Variants in KRT86 observed in about 807,000 individuals in gnomAD.
KRT86 encodes the protein keratin, type II cuticular Hb6.
KRT86 carries 30 observed loss-of-function variants against 41.2 expected under a neutral mutation model. The observed-to-expected ratio is 0.73, with a 90% CI of 0.54 to 0.99. KRT86 has a LOEUF of 0.99. Ranked by LOEUF, KRT86 falls within the 50% of genes least tolerant of loss-of-function variation. The probability of loss-of-function intolerance (pLI) is 0.00; values close to 1 mark genes in which losing one functional copy is unlikely to be tolerated. For synonymous variants in KRT86, 238 were observed against 238.1 expected (o/e 1.00, Z 0.00); for missense variants, 561 against 571.4 (o/e 0.98, Z 0.19).
chr12:52,286,164 G>C, intron 2 of KRT86: 4 of 1,005,750 alleles, frequency 4.0e-6, no homozygotes, highest in Non-Finnish European at 6.1e-6. Context: ...AGGAGAAGTA[G>C]CTGAGCACTT....
chr12:52,308,935 C>G lies in KRT86; in HGVS notation c.*350C>G, dbSNP rs925434070. On this transcript the variant is annotated 3_prime_UTR_variant, in exon 11 of 11. Transcript: ENST00000423955. ...GAACGGGGGAGGCCCGGGAATGTCC[C>G]TGTCTGCACGACCTGGGACTCTGCC... The G allele has an allele frequency of 2.8e-6, 1 of 351,106 alleles. No homozygotes were observed. The highest frequency in any genetic ancestry group is 2.2e-5 in the African/African-American group (1 of 45,536). The allele number at this position is 351,106 out of a possible 1,614,324, so 21.7% of individuals were successfully genotyped here.
intron 2 of KRT86, among the ~76,000 whole-genome samples, chr12:52,297,516 C>T (rs893589361): frequency 3.3e-5 from 5 of 152,178 alleles, no homozygotes; most frequent in Non-Finnish European, 7.3e-5. Context: ...TTATAATACC[C>T]TCCAGGGAGC....
intron 2 of KRT86, chr12:52,291,443 C>G: frequency 6.2e-7 from 1 of 1,612,852 alleles, no homozygotes; most frequent in South Asian, 1.1e-5. Flanking sequence ...GGCGCGCCCA[C>G]CAAATCCTGA....
In KRT86 at chr12:52,305,316, T is replaced by C. The variant is rs763786271; in HGVS notation, c.812T>C (p.Met271Thr). The stretch of plus-strand genomic sequence containing the variant: ...CTGGACAACAGCCGGGACCTGAACA[T>C]GGACTGCATCATTGCCGAGATCAAG... ...VKLDNSRDLNMDCIIAEIKAQ... is the reference protein window; with the variant it reads ...VKLDNSRDLNTDCIIAEIKAQ... Residue 271 changes from methionine (M) to threonine (T), a missense_variant, in exon 7 of 11, where the codon ATG (methionine) becomes ACG (threonine). Met to Thr is a moderately conservative substitution (Grantham distance 81). This residue lies in a region of KRT86 where 397 missense variants were observed against 375.9 expected (regional missense o/e 1.06). Coordinates refer to ENST00000423955, the MANE Select transcript of KRT86 (RefSeq NM_001320198.2). 2.5e-6 allele frequency: 4 copies of C among 1,614,214 alleles called. No individual in the cohort carries two copies. Among genetic ancestry groups the C allele is most frequent in the Non-Finnish European group, 3.4e-6 (4 of 1,180,036 alleles).
Position 52,308,681 on chromosome 12 carries a change from AG to A in KRT86, c.*97del. 8.3e-7 allele frequency: 1 copy of A among 1,199,462 alleles called. No homozygotes were observed. Among genetic ancestry groups the A allele is most frequent in the Non-Finnish European group, 1.2e-6 (1 of 843,848 alleles). The allele number at this position is 1,199,462 out of a possible 1,614,324, so 74.3% of individuals were successfully genotyped here. A position where few individuals can be genotyped will look rare whatever the true frequency, so the allele number is the denominator to read the frequency against. ...GCGCCGCCCGCGCCGGCCTCCCAAT[AG>A]CCGCCGCCCGCTGCCTGCACTCTAA... On this transcript the variant is annotated 3_prime_UTR_variant, in exon 11 of 11. Coordinates refer to ENST00000423955, the MANE Select transcript of KRT86 (RefSeq NM_001320198.2).
intron 2 of KRT86, among the ~76,000 whole-genome samples, chr12:52,293,008 G>A (rs1244714465): frequency 4.6e-5 from 7 of 152,134 alleles, no homozygotes; most frequent in Non-Finnish European, 8.8e-5. Flanking sequence ...ACAAAAATTA[G>A]CCCGTTATGG....
chr12:52,308,779 A>G lies in KRT86; in HGVS notation c.*194A>G, dbSNP rs2121324083. On this transcript the variant is annotated 3_prime_UTR_variant, in exon 11 of 11. Coordinates refer to ENST00000423955, the MANE Select transcript of KRT86 (RefSeq NM_001320198.2). ...AGTCCGGGGAGGGCCGGGAGGCGCC[A>G]TGGTCTCTCTCTGTAGCCTTTCCTG... 1.7e-6 allele frequency: 1 copy of G among 600,024 alleles called. No individual in the cohort carries two copies. Among genetic ancestry groups the G allele is most frequent in the East Asian group, 2.8e-5 (1 of 35,606 alleles). The allele number at this position is 600,024 out of a possible 1,614,324, so 37.2% of individuals were successfully genotyped here.
intron 2 of KRT86, among the ~76,000 whole-genome samples, chr12:52,292,676 ATTT>A (rs869298293): frequency 6.3e-5 from 9 of 143,758 alleles, no homozygotes; most frequent in Non-Finnish European, 9.3e-5. Flanking sequence ...ATTTATTTTT[ATTT>A]TATTTATTGT....
chr12:52,307,571 C>T (rs1938545102), intron 9 of KRT86, among the ~76,000 whole-genome samples: 2 of 152,204 alleles, frequency 1.3e-5, no homozygotes, highest in Non-Finnish European at 2.9e-5. Flanking sequence ...AAATGAGTGT[C>T]TGGGGTGACA....
chr12:52,281,995 C>A (rs1937783476), intron 2 of KRT86, among the ~76,000 whole-genome samples: 1 of 152,200 alleles, frequency 6.6e-6, no homozygotes, highest in African/African-American at 2.4e-5. Flanking sequence ...CCTGCCTCAG[C>A]CTCCCAAAGT....
At chr12:52,301,851 C>T (rs1360623113) in intron 2 of KRT86, 62 bp from the exon 3 acceptor site, 8 of 1,613,308 alleles carry the variant, frequency 5.0e-6, no homozygotes, top group East Asian at 2.2e-5. Flanking sequence ...CCTGACGCCC[C>T]GACCACTGTG....
Position 52,307,924 on chromosome 12 carries a change from T to C in KRT86, c.1248-309T>C, listed in dbSNP as rs73309379. 0.044 allele frequency among the ~76,000 whole-genome samples: 6,635 copies of C among 152,318 alleles called. 240 individuals carry two copies. The highest frequency in any genetic ancestry group is 0.095 in the African/African-American group (3,931 of 41,570). Reference sequence around the variant, plus strand: ...GAGCCAGGCACTAAGCACTGGACGCTTCTTATTTGATTCAGTCCTCGCAAG... The same window carrying C: ...GAGCCAGGCACTAAGCACTGGACGCCTCTTATTTGATTCAGTCCTCGCAAG... On this transcript the variant is annotated intron_variant, in intron 9 of 10. Coordinates refer to ENST00000423955, the MANE Select transcript of KRT86 (RefSeq NM_001320198.2).
intron 2 of KRT86, among the ~76,000 whole-genome samples, chr12:52,285,054 T>G (rs1281242935): frequency 6.6e-6 from 1 of 152,242 alleles, no homozygotes; most frequent in South Asian, 2.1e-4. Context: ...AAAAATAGAG[T>G]GATAATTTTG....
At chr12:52,300,910 G>T (rs145056198) in intron 2 of KRT86, among the ~76,000 whole-genome samples, 2 of 152,316 alleles carry the variant, frequency 1.3e-5, no homozygotes, top group East Asian at 3.9e-4. Flanking sequence ...AGGGCCTTGT[G>T]GGAGGTAATT....
intron 8 of KRT86, 127 bp downstream of exon 8, chr12:52,305,915 T>C (rs2121313257): frequency 1.3e-6 from 2 of 1,578,716 alleles, no homozygotes; most frequent in East Asian, 2.3e-5. Flanking sequence ...AGTCCCTGGT[T>C]GTGGTCTCTG....
In KRT86 at chr12:52,308,673, C is replaced by A; in HGVS notation, c.*88C>A. 7.6e-7 allele frequency: 1 copy of A among 1,310,748 alleles called. No homozygotes were observed. Among genetic ancestry groups the A allele is most frequent in the South Asian group, 1.2e-5 (1 of 80,296 alleles). 81.2% of individuals were successfully genotyped at this position (1,310,748 alleles called of 1,614,324 possible). On this transcript the variant is annotated 3_prime_UTR_variant, in exon 11 of 11. Coordinates refer to ENST00000423955, the MANE Select transcript of KRT86 (RefSeq NM_001320198.2). ...ACCAGAACGCGCCGCCCGCGCCGGC[C>A]TCCCAATAGCCGCCGCCCGCTGCCT...
chr12:52,293,818 G>C (rs1338598972), intron 2 of KRT86, among the ~76,000 whole-genome samples: 2 of 152,146 alleles, frequency 1.3e-5, no homozygotes, highest in East Asian at 3.8e-4. Flanking sequence ...GCATTAAATT[G>C]AGGAGAAGAA....
At chr12:52,288,211 C>G in intron 2 of KRT86, 1 of 1,592,582 alleles carries the variant, frequency 6.3e-7, no homozygotes, top group South Asian at 1.1e-5. Context: ...TGTCCTGACT[C>G]CACCTCCTCA....
intron 2 of KRT86, chr12:52,279,193 G>A (rs1047694996): frequency 6.6e-6 from 1 of 152,274 alleles, no homozygotes; most frequent in Non-Finnish European, 1.5e-5. Context: ...CTGTGTCCGT[G>A]GGCTTTAGCT....
Sources: allele counts gnomAD v4.1 joint callset (sites outside exome capture counted in the v4.1 genomes callset), GRCh38; gene constraint gnomAD v4.1.1; regional missense constraint gnomAD v4.1.1; transcripts MANE v1.5; gene names NCBI Gene and HGNC (gene_info 2026-07-23, HGNC 2026-07-21).